The following MLIP variants were observed in gnomAD, a reference collection of about 807,000 sequenced individuals.
MLIP encodes muscular LMNA interacting protein.
Under a neutral mutation model 84.8 loss-of-function variants are expected in MLIP, and 79 were observed. The ratio of observed to expected loss-of-function variants is 0.93; its 90% CI spans 0.78 to 1.12. The LOEUF is 1.12. Among genes scored for constraint, MLIP ranks in the 50% most tolerant of loss-of-function variants. The pLI, the probability that MLIP is intolerant of heterozygous loss-of-function variation, is 0.00. For missense variants in MLIP, 1,257 were observed against 1,160.6 expected, an observed-to-expected ratio of 1.08 and a Z score of -1.21; for synonymous variants, 504 against 463.0, an observed-to-expected ratio of 1.09 and a Z score of -1.14.
intron 10 of MLIP, among the ~76,000 whole-genome samples, chr6:54,196,647 T>TTGC (rs1778320090): frequency 6.6e-6 from 1 of 152,068 alleles, no homozygotes; most frequent in African/African-American, 2.4e-5. Context: ...ATAGACTCCA[T>TTGC]ATTGAATTAT....
At chr6:54,020,813 G>A (rs115373724) in intron 1 of MLIP, among the ~76,000 whole-genome samples, 5 of 152,268 alleles carry the variant, frequency 3.3e-5, no homozygotes, top group East Asian at 1.9e-4. Context: ...CAAAGATTGC[G>A]GGGAAATATG....
intron 1 of MLIP, chr6:54,099,418 C>T (rs1379463825): frequency 1.3e-5 from 2 of 151,958 alleles, no homozygotes. Flanking sequence ...CTACAGGCTA[C>T]TCAATTGAAT....
intron 11 of MLIP, among the ~76,000 whole-genome samples, chr6:54,213,096 A>G (rs1402713649): frequency 6.6e-6 from 1 of 152,198 alleles, no homozygotes; most frequent in Non-Finnish European, 1.5e-5. Context: ...CATAATTATA[A>G]AAGACTCTGG....
At chr6:54,069,413 C>A (rs1476228237) in intron 1 of MLIP, among the ~76,000 whole-genome samples, 8 of 100,284 alleles carry the variant, frequency 8.0e-5, no homozygotes, top group African/African-American at 2.0e-4. Flanking sequence ...GGAAATAATG[C>A]TTCTTATTTC....
chr6:54,263,534 A>G (rs1052416934), intron 13 of MLIP, among the ~76,000 whole-genome samples: 2 of 152,070 alleles, frequency 1.3e-5, no homozygotes, highest in African/African-American at 4.8e-5. Flanking sequence ...TTTCATATTC[A>G]CAAGAACACA....
chr6:54,262,530 C>T (rs1783453610), intron 13 of MLIP, among the ~76,000 whole-genome samples: 1 of 152,028 alleles, frequency 6.6e-6, no homozygotes, highest in Non-Finnish European at 1.5e-5. Context: ...GTAAACTTCT[C>T]ATATCTTTAG....
At chr6:54,059,878 T>G (rs1246313582) in intron 1 of MLIP, among the ~76,000 whole-genome samples, 2 of 152,256 alleles carry the variant, frequency 1.3e-5, no homozygotes, top group Non-Finnish European at 2.9e-5. Flanking sequence ...CTAAACTTAG[T>G]TTCACTTTTA....
At chr6:54,140,866 G>A (rs537089771) in intron 4 of MLIP, among the ~76,000 whole-genome samples, 4 of 152,158 alleles carry the variant, frequency 2.6e-5, no homozygotes, top group Non-Finnish European at 5.9e-5. Flanking sequence ...TGATATTGAA[G>A]AATTTATATG....
chr6:54,185,933 A>G (rs2150657170), intron 9 of MLIP, among the ~76,000 whole-genome samples: 1 of 152,312 alleles, frequency 6.6e-6, no homozygotes, highest in South Asian at 2.1e-4. Context: ...CTCAGTGCAC[A>G]CTAACCTGGC....
At chr6:54,154,052 T>C (rs918190249) in intron 5 of MLIP, among the ~76,000 whole-genome samples, 10 of 152,104 alleles carry the variant, frequency 6.6e-5, no homozygotes, top group African/African-American at 2.2e-4. Flanking sequence ...TTGTCTACTA[T>C]GTGCATAATT....
intron 1 of MLIP, among the ~76,000 whole-genome samples, chr6:54,052,125 T>G (rs949539781): frequency 6.6e-6 from 1 of 152,168 alleles, no homozygotes; most frequent in Non-Finnish European, 1.5e-5. Context: ...GTAACAGCGT[T>G]AAGCTAGAAA....
intron 9 of MLIP, among the ~76,000 whole-genome samples, chr6:54,181,479 G>T (rs1776863391): frequency 6.6e-6 from 1 of 152,170 alleles, no homozygotes; most frequent in Non-Finnish European, 1.5e-5. Flanking sequence ...TGGATTCAGG[G>T]ACCTCAAAAG....
At chr6:54,257,864 T>G (rs1050908868) in intron 13 of MLIP, among the ~76,000 whole-genome samples, 1 of 152,086 alleles carries the variant, frequency 6.6e-6, no homozygotes, top group Non-Finnish European at 1.5e-5. Context: ...GCATATCAGC[T>G]CAATCATAGC....
At chr6:54,111,963 AC>A (rs1351651663) in intron 1 of MLIP, among the ~76,000 whole-genome samples, 1 of 152,186 alleles carries the variant, frequency 6.6e-6, no homozygotes, top group Non-Finnish European at 1.5e-5. Flanking sequence ...ATGCGGGAAA[AC>A]AGTTTCTCAA....
chr6:54,157,635 A>T (rs1195740824), intron 5 of MLIP, among the ~76,000 whole-genome samples: 1 of 152,096 alleles, frequency 6.6e-6, no homozygotes, highest in Admixed American at 6.6e-5. Flanking sequence ...TTATCTGTAC[A>T]GTGTCAACAG....
intron 1 of MLIP, among the ~76,000 whole-genome samples, chr6:54,097,264 T>C (rs1768281237): frequency 6.6e-6 from 1 of 152,176 alleles, no homozygotes; most frequent in Non-Finnish European, 1.5e-5. Context: ...GCCCTTATCA[T>C]CAGGATCTAA....
intron 10 of MLIP, 108 bp downstream of exon 10, chr6:54,190,022 C>T (rs1039535315): frequency 3.9e-6 from 3 of 771,184 alleles, no homozygotes; most frequent in Non-Finnish European, 6.2e-6. Flanking sequence ...TATTTTTATT[C>T]ACTTACTTGT....
chr6:54,224,751 C>T (rs537438881), intron 11 of MLIP, among the ~76,000 whole-genome samples: 8 of 151,848 alleles, frequency 5.3e-5, no homozygotes, highest in Admixed American at 1.3e-4. Flanking sequence ...CTCTTCCCCC[C>T]AAGTCCCCAA....
intron 1 of MLIP, among the ~76,000 whole-genome samples, chr6:54,028,388 T>C (rs191189496): frequency 2.6e-5 from 4 of 152,196 alleles, no homozygotes; most frequent in East Asian, 3.9e-4. Context: ...ATGACATTCG[T>C]CTTAGGAGCA....
Sources: gnomAD v4.1 joint callset for allele counts (sites outside exome capture counted in the v4.1 genomes callset) on GRCh38, gnomAD v4.1.1 for gene constraint, MANE v1.5 for transcripts, NCBI Gene and HGNC (gene_info 2026-07-23, HGNC 2026-07-21) for gene names.